CCSER1: variants seen among roughly 807,000 people sequenced by gnomAD.
The protein encoded by CCSER1 is serine-rich coiled-coil domain-containing protein 1.
A neutral mutation model predicts 82.0 loss-of-function variants in CCSER1; 41 were observed. That is an observed-to-expected ratio of 0.50 (90% confidence interval 0.39 to 0.65). CCSER1 has a LOEUF of 0.65. Among genes scored for constraint, CCSER1 ranks in the 30% least tolerant of loss-of-function variants. CCSER1 has a pLI of 0.00. For missense variants in CCSER1, 1,119 were observed against 1,064.2 expected, an observed-to-expected ratio of 1.05 and a Z score of -0.72; for synonymous variants, 414 against 383.9, an observed-to-expected ratio of 1.08 and a Z score of -0.92.
At chr4:91,471,519 C>G (rs6843528) in intron 10 of CCSER1, among the ~76,000 whole-genome samples, 127,267 of 151,976 alleles carry the variant, frequency 0.84, 53,766 homozygotes, top group African/African-American at 0.94. Context: ...AGGCTATTAA[C>G]AAAGCCGTGA....
chr4:91,455,334 T>C (rs1394394972), intron 10 of CCSER1, among the ~76,000 whole-genome samples: 1 of 152,102 alleles, frequency 6.6e-6, no homozygotes, highest in African/African-American at 2.4e-5. Flanking sequence ...TTCATATTTT[T>C]GGAACTCAGT....
At chr4:91,047,086 C>T (rs1173141450) in intron 9 of CCSER1, among the ~76,000 whole-genome samples, 1 of 152,122 alleles carries the variant, frequency 6.6e-6, no homozygotes. Flanking sequence ...TTCCCCCCAA[C>T]CCCCTCGCAA....
chr4:91,097,477 G>T (rs1480635460), intron 10 of CCSER1, among the ~76,000 whole-genome samples: 1 of 152,082 alleles, frequency 6.6e-6, no homozygotes, highest in Non-Finnish European at 1.5e-5. Flanking sequence ...GGATAATGTT[G>T]ATCTTATTAA....
intron 7 of CCSER1, among the ~76,000 whole-genome samples, chr4:90,751,357 C>T (rs749760247): frequency 2.8e-4 from 42 of 152,136 alleles, no homozygotes; most frequent in Admixed American, 7.2e-4. Flanking sequence ...GTAAAAACAG[C>T]GTAAGTGGTA....
intron 10 of CCSER1, among the ~76,000 whole-genome samples, chr4:91,231,701 G>A (rs1738640900): frequency 6.6e-6 from 1 of 151,730 alleles, no homozygotes; most frequent in South Asian, 2.1e-4. Flanking sequence ...TATATATAAA[G>A]TTACGTATAT....
At chr4:91,015,621 GA>G (rs1739362263) in intron 9 of CCSER1, 2 of 151,346 alleles carry the variant, frequency 1.3e-5, no homozygotes, top group African/African-American at 4.8e-5. Context: ...TTTTATGTTT[GA>G]AAAAATACAA....
intron 10 of CCSER1, among the ~76,000 whole-genome samples, chr4:91,184,429 G>T (rs1173020426): frequency 3.9e-5 from 6 of 152,324 alleles, no homozygotes; most frequent in South Asian, 4.1e-4. Flanking sequence ...TATAGCAGGA[G>T]AAGGCAATCC....
intron 10 of CCSER1, among the ~76,000 whole-genome samples, chr4:91,174,190 C>A (rs1166987171): frequency 1.3e-5 from 2 of 152,124 alleles, no homozygotes; most frequent in African/African-American, 4.8e-5. Flanking sequence ...CAACTGACAG[C>A]TTAAATAACA....
intron 1 of CCSER1, among the ~76,000 whole-genome samples, chr4:90,275,633 TG>T (rs1486343372): frequency 9.9e-5 from 15 of 152,276 alleles, no homozygotes; most frequent in South Asian, 4.1e-4. Flanking sequence ...AAGAAGGCCC[TG>T]TGTGGTTGCA....
At chr4:90,336,996 G>A (rs891515059) in intron 3 of CCSER1, among the ~76,000 whole-genome samples, 3 of 152,102 alleles carry the variant, frequency 2.0e-5, no homozygotes, top group African/African-American at 7.2e-5. Flanking sequence ...TGCAAGACAA[G>A]GTAATATCTG....
intron 1 of CCSER1, among the ~76,000 whole-genome samples, chr4:90,236,059 A>G (rs988483970): frequency 6.6e-5 from 10 of 152,132 alleles, no homozygotes; most frequent in Admixed American, 5.9e-4. Flanking sequence ...CTCCCACCTT[A>G]GTGCCCCCAA....
chr4:90,266,600 C>A (rs535589235), intron 1 of CCSER1, among the ~76,000 whole-genome samples: 2 of 152,042 alleles, frequency 1.3e-5, no homozygotes, highest in Non-Finnish European at 2.9e-5. Flanking sequence ...ATTGCTGATG[C>A]CACCCCTCCC....
At chr4:91,121,513 A>T (rs1008145364) in intron 10 of CCSER1, among the ~76,000 whole-genome samples, 13 of 151,804 alleles carry the variant, frequency 8.6e-5, no homozygotes, top group South Asian at 4.1e-4. Flanking sequence ...GAAAAATTAC[A>T]TTGAGGTAAT....
intron 9 of CCSER1, among the ~76,000 whole-genome samples, chr4:91,068,478 TAAAG>T (rs1488263492): frequency 6.6e-6 from 1 of 152,182 alleles, no homozygotes; most frequent in African/African-American, 2.4e-5. Flanking sequence ...ACACATTTAA[TAAAG>T]TAAGATTTCC....
At chr4:90,407,785 G>A (rs1487260017) in intron 4 of CCSER1, among the ~76,000 whole-genome samples, 1 of 152,076 alleles carries the variant, frequency 6.6e-6, no homozygotes, top group Non-Finnish European at 1.5e-5. Context: ...TGGACAGTGG[G>A]TGCAGGACAG....
At chr4:91,488,228 A>G (rs990242648) in intron 10 of CCSER1, among the ~76,000 whole-genome samples, 7 of 152,174 alleles carry the variant, frequency 4.6e-5, no homozygotes, top group African/African-American at 1.7e-4. Context: ...ATCAAATAAA[A>G]TTGTTTGTAT....
intron 10 of CCSER1, among the ~76,000 whole-genome samples, chr4:91,346,198 G>T (rs1351184454): frequency 6.6e-6 from 1 of 151,966 alleles, no homozygotes; most frequent in East Asian, 1.9e-4. Flanking sequence ...TGTATTTTTA[G>T]TAGAGACAGG....
intron 1 of CCSER1, among the ~76,000 whole-genome samples, chr4:90,224,125 A>C (rs766397233): frequency 4.6e-5 from 7 of 152,208 alleles, no homozygotes; most frequent in Admixed American, 6.5e-5. Context: ...GTATCATACA[A>C]ATCTTTAGAG....
chr4:90,696,496 T>G (rs1737014991), intron 6 of CCSER1, among the ~76,000 whole-genome samples: 1 of 152,156 alleles, frequency 6.6e-6, no homozygotes, highest in African/African-American at 2.4e-5. Context: ...GTTTTGTATT[T>G]TACCTAATTA....
Sources: allele counts gnomAD v4.1 joint callset (sites outside exome capture counted in the v4.1 genomes callset), GRCh38; gene constraint gnomAD v4.1.1; transcripts MANE v1.5; gene names NCBI Gene and HGNC (gene_info 2026-07-23, HGNC 2026-07-21).